The following ZNF334 variants were observed in gnomAD, a reference collection of about 807,000 sequenced individuals.
ZNF334 encodes the protein zinc finger protein 334.
In ZNF334, 14 loss-of-function variants were observed where a neutral mutation model predicts 12.4. The ratio of observed to expected loss-of-function variants is 1.13; its 90% confidence interval spans 0.74 to 1.76. ZNF334 has a LOEUF of 1.76. Ranked by LOEUF, ZNF334 falls within the 40% of genes most tolerant of loss-of-function variation. The pLI is 0.00. For missense variants in ZNF334, 797 were observed against 804.5 expected, an observed-to-expected ratio of 0.99 and a Z score of 0.11; for synonymous variants, 273 against 269.6, an observed-to-expected ratio of 1.01 and a Z score of -0.12.
At chr20:46,497,415 G>A (rs565757384), downstream of ZNF334, among the ~76,000 whole-genome samples, 39 of 152,292 alleles carry the variant, frequency 2.6e-4, no homozygotes, top group African/African-American at 7.9e-4. Context: ...TAGGCAAACC[G>A]TTAACATATA....
the ZNF334 span, among the ~76,000 whole-genome samples, chr20:46,480,522 A>G: frequency 6.6e-6 from 1 of 151,984 alleles, no homozygotes; most frequent in Non-Finnish European, 1.5e-5. Flanking sequence ...GCACAAACCT[A>G]TCTGGGTGTG....
At chr20:46,464,806 C>G in the ZNF334 span, 1 of 536,062 alleles carries the variant, frequency 1.9e-6, no homozygotes, top group Middle Eastern at 3.2e-4. Context: ...CTACCCAGTC[C>G]TCTGAACCCA....
the ZNF334 span, among the ~76,000 whole-genome samples, chr20:46,479,268 T>A: frequency 6.6e-6 from 1 of 152,136 alleles, no homozygotes; most frequent in Non-Finnish European, 1.5e-5. Flanking sequence ...TTAAGGACCC[T>A]TTTGATTATA....
chr20:46,490,886 A>G, the ZNF334 span: 1 of 152,222 alleles, frequency 6.6e-6, no homozygotes, highest in East Asian at 1.9e-4. Context: ...GAATGCCTTC[A>G]GACAAAGCTT....
chr20:46,491,352 G>A, the ZNF334 span: 1 of 152,564 alleles, frequency 6.6e-6, no homozygotes, highest in South Asian at 2.1e-4. Context: ...ACCTTTCACC[G>A]TTTCTCAGAA....
At position 46,502,473 on chromosome 20, in the gene ZNF334, C is replaced by G. The variant is rs534876558; in HGVS notation, c.866G>C (p.Gly289Ala). ...TTCACTGCATTCATAGGGTCTCTCT[C>G]CAGTATGAATTCTTCGGTGTCGAGT... ...SLTRHRRIHTGERPYECSECR... is the reference protein window; with the variant it reads ...SLTRHRRIHTAERPYECSECR... The change falls in exon 5 of 5, where the codon GGA (glycine) becomes GCA (alanine). Residue 289 changes from glycine (G) to alanine (A), a missense_variant. Physicochemically the swap from Gly to Ala is moderately conservative, Grantham distance 60. Transcript: ENST00000692313. 1 of 1,613,956 alleles carries G rather than the reference C, an allele frequency of 6.2e-7. No homozygotes were observed. The highest frequency in any genetic ancestry group is 1.3e-5 in the African/African-American group (1 of 75,030).
intron 2 of ZNF334, chr20:46,509,731 G>A (rs1426807888): frequency 1.4e-6 from 1 of 697,512 alleles, no homozygotes; most frequent in African/African-American, 1.7e-5. Context: ...CACACCTCAT[G>A]GTGTGTGGTT....
At chr20:46,491,785 T>C in the ZNF334 span, 1 of 153,212 alleles carries the variant, frequency 6.5e-6, no homozygotes, top group South Asian at 2.1e-4. Flanking sequence ...GGTCAAACTT[T>C]ACTAAACATC....
At chr20:46,466,969 T>C in the ZNF334 span, among the ~76,000 whole-genome samples, 1 of 152,350 alleles carries the variant, frequency 6.6e-6, no homozygotes, top group East Asian at 1.9e-4. Context: ...AAAATGAGCA[T>C]GCACTTTAAT....
chr20:46,484,886 C>G, the ZNF334 span: 1 of 162,126 alleles, frequency 6.2e-6, no homozygotes, highest in Non-Finnish European at 1.5e-5. Context: ...TACAAAAACA[C>G]TGCTTTAGAG....
chr20:46,501,808 T>C lies in ZNF334; in HGVS notation c.1531A>G (p.Asn511Asp). 4 of 1,614,144 alleles carry C rather than the reference T, an allele frequency of 2.5e-6. No individual in the cohort carries two copies. The highest frequency in any genetic ancestry group is 3.3e-5 in the Admixed American group (2 of 60,022). Residue 511 changes from asparagine (N) to aspartate (D), a missense_variant, in exon 5 of 5, where the codon AAC (asparagine) becomes GAC (aspartate). By Grantham distance (23) the Asn-to-Asp change is conservative (BLOSUM62 1). Transcript: ENST00000692313. ...CACTCATAAAGATTCTCCTTTGTGT[T>C]CATTCTCTTACACTGACTGCAGTTT... ...KSNCSQCKRM[N>D]TKENLYECSE...
Position 46,501,210 on chromosome 20 carries a change from T to C in ZNF334, c.*86A>G. On this transcript the variant is annotated 3_prime_UTR_variant, in exon 5 of 5. Coordinates refer to ENST00000692313, the MANE Select transcript of ZNF334 (RefSeq NM_001353824.2). Reference sequence around the variant, plus strand: ...TCCATATTCATTACATTTATAAGATTTTACTCCTCTATACATACTCACAGT... The same window carrying C: ...TCCATATTCATTACATTTATAAGATCTTACTCCTCTATACATACTCACAGT... The C allele has an allele frequency of 6.7e-7, 1 of 1,490,130 alleles. No individual in the cohort carries two copies. 92.3% of individuals were successfully genotyped at this position (1,490,130 alleles called of 1,614,324 possible). A position where few individuals can be genotyped will look rare whatever the true frequency, so the allele number is the denominator to read the frequency against.
the ZNF334 span, among the ~76,000 whole-genome samples, chr20:46,465,503 T>C: frequency 5.7e-4 from 87 of 152,120 alleles, 1 homozygote; most frequent in African/African-American, 2.0e-3. Flanking sequence ...TTTGAGACCA[T>C]CCTGGGCAAC....
At chr20:46,473,312 T>C in the ZNF334 span, among the ~76,000 whole-genome samples, 9 of 152,220 alleles carry the variant, frequency 5.9e-5, no homozygotes, top group African/African-American at 2.2e-4. Flanking sequence ...ATAACTGAAT[T>C]TTGACTTTGT....
the ZNF334 span, chr20:46,464,652 C>A: frequency 2.3e-6 from 1 of 433,082 alleles, no homozygotes; most frequent in East Asian, 5.4e-5. Context: ...CAGTTCTACC[C>A]ATTTCCATCT....
the ZNF334 span, among the ~76,000 whole-genome samples, chr20:46,465,964 A>G: frequency 1.3e-5 from 2 of 152,126 alleles, no homozygotes; most frequent in Non-Finnish European, 2.9e-5. Context: ...AAAAAAAAAA[A>G]ATTAGAATAT....
chr20:46,500,649 T>C lies in ZNF334; in HGVS notation c.*647A>G, dbSNP rs1041228013. ...CTTGACTTAGCTGAAAGCTTCAGGATCATGAACTAGTTATCCTGTGCCTAT... is the reference window on the plus strand; with the variant it reads ...CTTGACTTAGCTGAAAGCTTCAGGACCATGAACTAGTTATCCTGTGCCTAT... On this transcript the variant is annotated 3_prime_UTR_variant, in exon 5 of 5. Transcript: ENST00000692313. 4.6e-5 allele frequency: 7 copies of C among 152,240 alleles called. 1 individual carries two copies. 9.4% of individuals were successfully genotyped at this position (152,240 alleles called of 1,614,324 possible).
At chr20:46,497,405 T>C (rs988812639), downstream of ZNF334, among the ~76,000 whole-genome samples, 2 of 152,240 alleles carry the variant, frequency 1.3e-5, no homozygotes, top group African/African-American at 2.4e-5. Context: ...ATAAAGTCCA[T>C]AGGCAAACCG....
At chr20:46,464,866 T>C in the ZNF334 span, 1 of 539,026 alleles carries the variant, frequency 1.9e-6, no homozygotes, top group Non-Finnish European at 3.8e-6. Context: ...CTGTATTCAT[T>C]TCCACAAGCG....
Sources: gnomAD v4.1 joint callset for allele counts (sites outside exome capture counted in the v4.1 genomes callset) on GRCh38, gnomAD v4.1.1 for gene constraint, MANE v1.5 for transcripts, NCBI Gene and HGNC (gene_info 2026-07-23, HGNC 2026-07-21) for gene names.